SLCO1B3: variants seen among roughly 807,000 people sequenced by gnomAD.
SLCO1B3 encodes solute carrier organic anion transporter family member 1B3.
A neutral mutation model predicts 71.8 loss-of-function variants in SLCO1B3; 72 were observed. The observed-to-expected ratio is 1.00, with a 90% CI of 0.83 to 1.22. The LOEUF (loss-of-function observed/expected upper bound fraction) is 1.22. Among genes scored for constraint, SLCO1B3 ranks in the 50% most tolerant of loss-of-function variants. The probability of loss-of-function intolerance (pLI) is 0.00; values close to 1 mark genes in which losing one functional copy is unlikely to be tolerated. For missense variants in SLCO1B3, 911 were observed against 819.7 expected (o/e 1.11, Z -1.36); for synonymous variants, 298 against 278.4 (o/e 1.07, Z -0.70).
chr12:20,822,634 A>G (rs2121096617), intron 3 of SLCO1B3, among the ~76,000 whole-genome samples: 1 of 152,300 alleles, frequency 6.6e-6, no homozygotes, highest in East Asian at 1.9e-4. Flanking sequence ...ATGTATGGCC[A>G]CGTTACTGAA....
chr12:20,823,519 G>C (rs958503478), intron 3 of SLCO1B3, among the ~76,000 whole-genome samples: 3 of 152,262 alleles, frequency 2.0e-5, no homozygotes, highest in African/African-American at 7.2e-5. Flanking sequence ...TTATTAAACA[G>C]AAAATCATAG....
intron 3 of SLCO1B3, among the ~76,000 whole-genome samples, chr12:20,833,908 T>C (rs1443938416): frequency 6.8e-6 from 1 of 147,470 alleles, no homozygotes; most frequent in Non-Finnish European, 1.5e-5. Context: ...TTCATGTATA[T>C]ATAGTAAACA....
At chr12:20,869,049 G>A (rs1384176095) in intron 8 of SLCO1B3, among the ~76,000 whole-genome samples, 1 of 152,130 alleles carries the variant, frequency 6.6e-6, no homozygotes, top group Non-Finnish European at 1.5e-5. Flanking sequence ...AGCATCACAG[G>A]GAGATGGTTA....
In SLCO1B3 at chr12:20,883,613, T is replaced by G. The variant is rs1179377838; in HGVS notation, c.1682+11T>G. ...CTTGTTGACTGTGAAGTAAGTATGA[T>G]CCTGTAAAACATTGTCATGTATATT... On this transcript the variant is annotated intron_variant, in intron 13 of 15. Coordinates refer to ENST00000381545, the MANE Select transcript of SLCO1B3 (RefSeq NM_019844.4). The G allele has an allele frequency of 6.4e-7, 1 of 1,558,434 alleles. No individual in the cohort carries two copies. Among genetic ancestry groups the G allele is most frequent in the Admixed American group, 1.9e-5 (1 of 51,294 alleles).
At chr12:20,845,975 CTTT>C (rs35873402) in intron 3 of SLCO1B3, among the ~76,000 whole-genome samples, 5 of 146,188 alleles carry the variant, frequency 3.4e-5, no homozygotes, top group Admixed American at 6.8e-5. Flanking sequence ...TCTTCCTTGT[CTTT>C]TTTTTTTTTT....
chr12:20,851,490 C>T (rs1233097384), intron 3 of SLCO1B3, among the ~76,000 whole-genome samples: 1 of 151,934 alleles, frequency 6.6e-6, no homozygotes, highest in Non-Finnish European at 1.5e-5. Flanking sequence ...TATTCAAGTC[C>T]TTTGTCCATT....
chr12:20,873,285 A>C (rs1028921245), intron 8 of SLCO1B3, among the ~76,000 whole-genome samples: 1 of 152,190 alleles, frequency 6.6e-6, no homozygotes, highest in Non-Finnish European at 1.5e-5. Context: ...AAAAGATGAA[A>C]TGTTATATAT....
chr12:20,902,961 T>A (rs1388753929), intron 15 of SLCO1B3, among the ~76,000 whole-genome samples: 5 of 151,660 alleles, frequency 3.3e-5, no homozygotes, highest in African/African-American at 9.7e-5. Context: ...TAATCTTAGT[T>A]ACTTCAGAGG....
intron 3 of SLCO1B3, among the ~76,000 whole-genome samples, chr12:20,822,264 T>A (rs1021042014): frequency 6.6e-6 from 1 of 152,052 alleles, no homozygotes; most frequent in Non-Finnish European, 1.5e-5. Context: ...CTGGATGCGG[T>A]TGGGCTGAGT....
intron 3 of SLCO1B3, among the ~76,000 whole-genome samples, chr12:20,834,147 A>G (rs1476825840): frequency 2.8e-5 from 3 of 107,380 alleles, no homozygotes; most frequent in African/African-American, 5.9e-5. Context: ...CATATAAAAT[A>G]TATGTATTTA....
At chr12:20,837,937 T>G (rs2121159607) in intron 3 of SLCO1B3, among the ~76,000 whole-genome samples, 1 of 152,212 alleles carries the variant, frequency 6.6e-6, no homozygotes, top group East Asian at 1.9e-4. Context: ...TGTCTCCAAC[T>G]ATGATAGTGT....
chr12:20,849,750 AC>A (rs1864987132), intron 3 of SLCO1B3, among the ~76,000 whole-genome samples: 1 of 141,058 alleles, frequency 7.1e-6, no homozygotes, highest in Non-Finnish European at 1.6e-5. Flanking sequence ...CACACATATT[AC>A]TTGTGTTTCT....
intron 3 of SLCO1B3, among the ~76,000 whole-genome samples, chr12:20,854,214 G>C (rs2121219258): frequency 6.6e-6 from 1 of 152,176 alleles, no homozygotes; most frequent in African/African-American, 2.4e-5. Context: ...TGTCTGTTAG[G>C]TTAATTGGTC....
intron 3 of SLCO1B3, among the ~76,000 whole-genome samples, chr12:20,819,811 G>T (rs1158606928): frequency 6.6e-6 from 1 of 152,144 alleles, no homozygotes; most frequent in African/African-American, 2.4e-5. Context: ...AGGGGTGCAT[G>T]ATCGGTCACC....
At chr12:20,905,335 A>C (rs1295953523) in intron 15 of SLCO1B3, among the ~76,000 whole-genome samples, 1 of 152,120 alleles carries the variant, frequency 6.6e-6, no homozygotes, top group African/African-American at 2.4e-5. Flanking sequence ...GGCTATTAAC[A>C]TTTGGATCCT....
At chr12:20,818,910 AG>A (rs1200166114) in intron 3 of SLCO1B3, among the ~76,000 whole-genome samples, 2 of 152,264 alleles carry the variant, frequency 1.3e-5, no homozygotes, top group African/African-American at 4.8e-5. Context: ...AGTCCGGGCC[AG>A]GAACAATGGT....
chr12:20,860,880 G>A, intron 5 of SLCO1B3, 137 bp from the exon 6 acceptor site: 1 of 856,244 alleles, frequency 1.2e-6, no homozygotes, highest in Non-Finnish European at 1.8e-6. Flanking sequence ...ATACATGCTG[G>A]GAAGTTGACA....
At chr12:20,863,719 G>T (rs1156580838) in intron 8 of SLCO1B3, among the ~76,000 whole-genome samples, 3 of 151,920 alleles carry the variant, frequency 2.0e-5, no homozygotes, top group Non-Finnish European at 1.5e-5. Context: ...CTTTCCAATT[G>T]ATTAACTGTT....
rs377389276 is a variant in SLCO1B3 at position 20,831,666 on chromosome 12, A to G, written c.84+15844A>G. 1.1e-3 allele frequency among the ~76,000 whole-genome samples: 163 copies of G among 152,340 alleles called. 4 individuals are homozygous for G. In the South Asian group the frequency reaches 0.033, roughly 31 times the overall value. On this transcript the variant is annotated intron_variant, in intron 3 of 15. Transcript: ENST00000381545. The stretch of plus-strand genomic sequence containing the variant: ...TTTAATTTTTTATGAAGTTTGGGAC[A>G]TCAAACTATCAACAAAGTACTGTTT...
Sources: gnomAD v4.1 joint callset for allele counts (sites outside exome capture counted in the v4.1 genomes callset) on GRCh38, gnomAD v4.1.1 for gene constraint, MANE v1.5 for transcripts, NCBI Gene and HGNC (gene_info 2026-07-23, HGNC 2026-07-21) for gene names.